Variants in PLIN2 observed in about 807,000 individuals in gnomAD.
The protein encoded by PLIN2 is perilipin-2.
PLIN2 carries 33 observed loss-of-function variants against 30.6 expected under a neutral mutation model. The observed-to-expected ratio is 1.08, with a 90% CI of 0.82 to 1.44. PLIN2 has a LOEUF of 1.44. Ranked by LOEUF, PLIN2 falls within the 40% of genes most tolerant of loss-of-function variation. The pLI, the probability that PLIN2 is intolerant of heterozygous loss-of-function variation, is 0.00. For missense variants in PLIN2, 610 were observed against 531.8 expected, an observed-to-expected ratio of 1.15 and a Z score of -1.45; for synonymous variants, 205 against 201.1, an observed-to-expected ratio of 1.02 and a Z score of -0.16.
chr9:19,116,767 C>T, intron 7 of PLIN2, 118 bp from the exon 8 acceptor site: 2 of 783,094 alleles, frequency 2.6e-6, no homozygotes, highest in Non-Finnish European at 4.1e-6. Flanking sequence ...TTTTAAAAAT[C>T]CTCATTACAA....
chr9:19,111,826 C>G (rs925130598), downstream of PLIN2, among the ~76,000 whole-genome samples: 4 of 152,062 alleles, frequency 2.6e-5, no homozygotes, highest in African/African-American at 9.7e-5. Flanking sequence ...CCTTGAACTC[C>G]TGGGCTCAAG....
intron 4 of PLIN2, among the ~76,000 whole-genome samples, chr9:19,122,108 CAAAAAAAAAAAA>C (rs59357707): frequency 3.2e-5 from 2 of 63,308 alleles, no homozygotes; most frequent in Non-Finnish European, 5.4e-5. Flanking sequence ...GACTCTGTCT[CAAAAAAAAAAAA>C]AAAAAAAAAA....
downstream of PLIN2, among the ~76,000 whole-genome samples, chr9:19,115,058 C>T (rs1300569248): frequency 6.6e-6 from 1 of 152,144 alleles, no homozygotes; most frequent in Non-Finnish European, 1.5e-5. Flanking sequence ...AATGCCTTTA[C>T]ATGATGCTGA....
chr9:19,121,516 GAAAAGAAAAA>G (rs68095462), intron 4 of PLIN2, among the ~76,000 whole-genome samples: 8,925 of 145,450 alleles, frequency 0.061, 295 homozygotes, highest in East Asian at 0.11. Context: ...AAAGAGAAGA[GAAAAGAAAAA>G]AAAAGAAAAG....
chr9:19,120,945 T>G lies in PLIN2; in HGVS notation c.530A>C (p.Glu177Ala), dbSNP rs753714842. 6.2e-7 allele frequency: 1 copy of G among 1,614,146 alleles called. No homozygotes were observed. Among genetic ancestry groups the G allele is most frequent in the Non-Finnish European group, 8.5e-7 (1 of 1,179,952 alleles). ...RMMQLVSSGV[E>A]NALTKSELLV... ...CAGCTCTGATTTGGTGAGTGCATTT[T>G]CTACGCCACTGCTCACGAGCTGCAT... Residue 177 changes from glutamate (E) to alanine (A), a missense_variant, in exon 5 of 8, where the codon GAA becomes GCA. Coordinates refer to ENST00000276914, the MANE Select transcript of PLIN2 (RefSeq NM_001122.4).
Position 19,116,635 on chromosome 9 carries a change from A to G in PLIN2, c.927T>C (p.Arg309=). The G allele has an allele frequency of 6.2e-7, 1 of 1,611,746 alleles. No homozygotes were observed. ...ESHCAEHIES[R]TLAIARNLTQ... is the part of the protein sequence containing the mutation. ...TCAGGTTGCGGGCAATTGCAAGAGTACGTGACTCAATGTGCTAAAAATAAA... is the reference window on the plus strand; with the variant it reads ...TCAGGTTGCGGGCAATTGCAAGAGTGCGTGACTCAATGTGCTAAAAATAAA... Residue 309 remains arginine, a synonymous_variant, in exon 8 of 8, where the codon CGT becomes CGC. Transcript: ENST00000276914.
Position 19,122,108 on chromosome 9 carries a change from C to CA in PLIN2, c.310-944dup, listed in dbSNP as rs59357707. Among the ~76,000 whole-genome samples the CA allele has an allele frequency of 2.8e-3, 179 of 63,348 alleles. 19 individuals are homozygous for CA. Among genetic ancestry groups the CA allele is most frequent in the East Asian group, 9.6e-3 (17 of 1,772 alleles). The allele number at this position is 63,348 out of a possible 152,430, so 41.6% of individuals were successfully genotyped here. ...TGGGTGACAGAGCAAGACTCTGTCTCAAAAAAAAAAAAAAAAAAAAAAAAA... is the reference window on the plus strand; with the variant it reads ...TGGGTGACAGAGCAAGACTCTGTCTCAAAAAAAAAAAAAAAAAAAAAAAAAA... On this transcript the variant is annotated intron_variant, in intron 4 of 7. Transcript: ENST00000276914.
At chr9:19,121,887 C>T (rs1294721510) in intron 4 of PLIN2, among the ~76,000 whole-genome samples, 4 of 152,072 alleles carry the variant, frequency 2.6e-5, no homozygotes, top group African/African-American at 9.7e-5. Context: ...GCCAAAATTG[C>T]ACCATTACAC....
At chr9:19,111,712 C>T (rs962815748), downstream of PLIN2, among the ~76,000 whole-genome samples, 21 of 151,986 alleles carry the variant, frequency 1.4e-4, no homozygotes, top group African/African-American at 4.6e-4. Flanking sequence ...AGAAAGATAC[C>T]ATAAAACAAG....
chr9:19,116,025 A>G lies in PLIN2; in HGVS notation c.*223T>C, dbSNP rs899514663. 3 of 443,412 alleles carry G rather than the reference A, an allele frequency of 6.8e-6. No homozygotes were observed. The South Asian group carries it at 1.3e-4, about 19-fold the overall frequency. 27.5% of individuals were successfully genotyped at this position (443,412 alleles called of 1,614,324 possible). On this transcript the variant is annotated 3_prime_UTR_variant, in exon 8 of 8. Transcript: ENST00000276914. Reference sequence around the variant, plus strand: ...TTTGAATTTTTTCTGAGTTCTGGCTATAGGCTCTGACAAGCCTATCATTCT... The same window carrying G: ...TTTGAATTTTTTCTGAGTTCTGGCTGTAGGCTCTGACAAGCCTATCATTCT...
chr9:19,124,609 T>C (rs1020592450), intron 3 of PLIN2, among the ~76,000 whole-genome samples: 1 of 152,294 alleles, frequency 6.6e-6, no homozygotes, highest in African/African-American at 2.4e-5. Flanking sequence ...TGTGGAGAAA[T>C]TGGAGCCTCC....
At chr9:19,120,002 C>G (rs1221228226) in intron 5 of PLIN2, among the ~76,000 whole-genome samples, 171 bp from the exon 6 acceptor site, 1 of 152,044 alleles carries the variant, frequency 6.6e-6, no homozygotes, top group Non-Finnish European at 1.5e-5. Flanking sequence ...CTACCCTGAA[C>G]ATATTACTGT....
At chr9:19,125,278 C>T (rs1818377854) in intron 3 of PLIN2, among the ~76,000 whole-genome samples, 1 of 152,236 alleles carries the variant, frequency 6.6e-6, no homozygotes, top group African/African-American at 2.4e-5. Context: ...CATGGCCAGG[C>T]ATGGTGGCTC....
downstream of PLIN2, among the ~76,000 whole-genome samples, chr9:19,110,893 C>T (rs1475042563): frequency 6.6e-6 from 1 of 152,080 alleles, no homozygotes; most frequent in African/African-American, 2.4e-5. Flanking sequence ...GATTCAAAGC[C>T]TTTCATTATA....
At position 19,126,094 on chromosome 9, in the gene PLIN2, C is replaced by G; in HGVS notation, c.226+20G>C. ...CACTGACCAGTCCCTTGACTTGCATCTTGAAAAATCAGAACTCACTTTGCG... is the reference window on the plus strand; with the variant it reads ...CACTGACCAGTCCCTTGACTTGCATGTTGAAAAATCAGAACTCACTTTGCG... On this transcript the variant is annotated intron_variant, in intron 3 of 7. Transcript: ENST00000276914. 6.2e-7 allele frequency: 1 copy of G among 1,608,976 alleles called. No individual in the cohort carries two copies. Among genetic ancestry groups the G allele is most frequent in the Non-Finnish European group, 8.5e-7 (1 of 1,176,216 alleles).
At chr9:19,108,707 T>C (rs1262667523) in exon 3 of PLIN2, 1 of 152,672 alleles carries the variant, frequency 6.5e-6, no homozygotes, top group Non-Finnish European at 1.5e-5. Context: ...TGGAATTTCA[T>C]CAGTCTCAGA....
At chr9:19,123,332 C>A (rs1410801793) in intron 4 of PLIN2, 1 of 1,546,216 alleles carries the variant, frequency 6.5e-7, no homozygotes. Flanking sequence ...AACTGATAGA[C>A]AACACACTAA....
At chr9:19,112,516 C>G (rs2131172971), downstream of PLIN2, among the ~76,000 whole-genome samples, 1 of 152,166 alleles carries the variant, frequency 6.6e-6, no homozygotes, top group East Asian at 1.9e-4. Context: ...TGAGACCAGC[C>G]TGGGCAACAT....
At chr9:19,108,814 C>G (rs772672450) in intron 2 of PLIN2, 7 of 152,574 alleles carry the variant, frequency 4.6e-5, no homozygotes, top group Admixed American at 2.0e-4. Context: ...TCCATCTGAG[C>G]TCATGGAGAC....
Sources: gnomAD v4.1 joint callset for allele counts (sites outside exome capture counted in the v4.1 genomes callset) on GRCh38, gnomAD v4.1.1 for gene constraint, MANE v1.5 for transcripts, NCBI Gene and HGNC (gene_info 2026-07-23, HGNC 2026-07-21) for gene names.